The following TXNDC5 variants were observed in gnomAD, a reference collection of about 807,000 sequenced individuals.
The protein encoded by TXNDC5 is thioredoxin domain-containing protein 5.
Under a neutral mutation model 52.6 loss-of-function variants are expected in TXNDC5, and 44 were observed. That is an observed-to-expected ratio of 0.84 (90% CI 0.66 to 1.08). The LOEUF (loss-of-function observed/expected upper bound fraction) is 1.08. Ranked by LOEUF, TXNDC5 falls within the 50% of genes least tolerant of loss-of-function variation. The probability of loss-of-function intolerance (pLI) is 0.00; values close to 1 mark genes in which losing one functional copy is unlikely to be tolerated. For synonymous variants in TXNDC5, 241 were observed against 234.4 expected, an observed-to-expected ratio of 1.03 and a Z score of -0.26; for missense variants, 600 against 565.5, an observed-to-expected ratio of 1.06 and a Z score of -0.62.
At chr6:7,888,122 A>T (rs1581310107) in intron 7 of TXNDC5, among the ~76,000 whole-genome samples, 1 of 152,182 alleles carries the variant, frequency 6.6e-6, no homozygotes, top group East Asian at 1.9e-4. Context: ...AGTGCCTGTG[A>T]CATAACAAGG....
intron 3 of TXNDC5, among the ~76,000 whole-genome samples, chr6:7,898,488 G>A (rs1760450433): frequency 1.3e-5 from 2 of 152,286 alleles, no homozygotes; most frequent in East Asian, 1.9e-4. Flanking sequence ...AACAGTAAGC[G>A]GCAAAGCTCC....
chr6:7,889,137 C>G (rs1200620065), intron 6 of TXNDC5: 1 of 459,972 alleles, frequency 2.2e-6, no homozygotes, highest in Non-Finnish European at 3.8e-6. Context: ...CTCTGAGCTG[C>G]TGACCATCGG....
At chr6:7,904,541 C>T (rs777280999) in intron 2 of TXNDC5, 33 bp downstream of exon 2, 2 of 1,610,108 alleles carry the variant, frequency 1.2e-6, no homozygotes, top group Non-Finnish European at 1.7e-6. Flanking sequence ...CCAGGAGCCA[C>T]CTAGGAAGTG....
At position 7,895,089 on chromosome 6, in the gene TXNDC5, C is replaced by T. The variant is rs763532133; in HGVS notation, c.616+17G>A. The T allele has an allele frequency of 6.2e-7, 1 of 1,612,158 alleles. No individual in the cohort carries two copies. The highest frequency in any genetic ancestry group is 8.5e-7 in the Non-Finnish European group (1 of 1,179,074). On this transcript the variant is annotated intron_variant, in intron 4 of 9. Coordinates refer to ENST00000379757, the MANE Select transcript of TXNDC5 (RefSeq NM_030810.5). ...AATAGTGATTCTCTGAAGCTGGCAT[C>T]AGGACGTCCCCCTTACCTTGTGCAA... is the stretch of plus-strand genomic sequence containing the variant.
chr6:7,899,469 T>G (rs1760485654), intron 3 of TXNDC5, 107 bp downstream of exon 3: 1 of 672,348 alleles, frequency 1.5e-6, no homozygotes, highest in South Asian at 2.5e-5. Flanking sequence ...ATGGCAGCCT[T>G]AATCATTAAC....
At chr6:7,894,948 T>C (rs914268722) in intron 4 of TXNDC5, 158 bp downstream of exon 4, 20 of 984,540 alleles carry the variant, frequency 2.0e-5, no homozygotes, top group Middle Eastern at 5.2e-4. Flanking sequence ...TTAGAGGAGG[T>C]GCACTGAACA....
intron 1 of TXNDC5, chr6:7,909,883 CGGTG>C: frequency 1.0e-6 from 1 of 986,020 alleles, no homozygotes; most frequent in African/African-American, 1.7e-5. Context: ...CAGCCGACCC[CGGTG>C]GCCGCGGCAG....
At chr6:7,895,026 T>C (rs1760316286) in intron 4 of TXNDC5, 80 bp downstream of exon 4, 1 of 1,523,294 alleles carries the variant, frequency 6.6e-7, no homozygotes. Context: ...TAAGAGCCCT[T>C]GAGTAGCAGG....
In TXNDC5 at chr6:7,899,352, C is replaced by T. The variant is rs531127730; in HGVS notation, c.519+224G>A. ...GCTGAAACTCAGGGTTTAGCCTTCT[C>T]TTGACTTTTGTGCACATTTAGGTAT... On this transcript the variant is annotated intron_variant, in intron 3 of 9. Coordinates refer to ENST00000379757, the MANE Select transcript of TXNDC5 (RefSeq NM_030810.5). 3.7e-3 allele frequency among the ~76,000 whole-genome samples: 571 copies of T among 152,342 alleles called. 2 individuals are homozygous for T. The highest frequency in any genetic ancestry group is 6.8e-3 in the Non-Finnish European group (464 of 68,028).
At chr6:7,906,553 A>AAC (rs1554129853) in intron 1 of TXNDC5, among the ~76,000 whole-genome samples, 4 of 148,892 alleles carry the variant, frequency 2.7e-5, no homozygotes, top group African/African-American at 7.7e-5. Flanking sequence ...AAAAAAAAAA[A>AAC]AAAAGAAAAA....
At chr6:7,899,546 A>T in intron 3 of TXNDC5, 30 bp downstream of exon 3, 1 of 1,175,392 alleles carries the variant, frequency 8.5e-7, no homozygotes, top group Non-Finnish European at 1.1e-6. Flanking sequence ...GGAGGGAGGG[A>T]GGGAGGGAGG....
intron 5 of TXNDC5, among the ~76,000 whole-genome samples, chr6:7,889,888 T>G (rs1225947): frequency 0.4 from 60,091 of 151,996 alleles, 13,305 homozygotes; most frequent in East Asian, 0.65. Context: ...CCTGGTAGCT[T>G]GAGTCAGGGC....
At chr6:7,903,809 C>T (rs1240057683) in intron 2 of TXNDC5, among the ~76,000 whole-genome samples, 1 of 152,228 alleles carries the variant, frequency 6.6e-6, no homozygotes, top group Non-Finnish European at 1.5e-5. Flanking sequence ...TTCCCTCCAA[C>T]ACTTGGCACA....
Position 7,886,037 on chromosome 6 carries a change from CA to C in TXNDC5, c.969del (p.Val324CysfsTer17). On this transcript the variant is annotated frameshift_variant, in exon 8 of 10. Coordinates refer to ENST00000379757, the MANE Select transcript of TXNDC5 (RefSeq NM_030810.5). LOFTEE classifies it high-confidence loss of function. ...LAAEPEADKG[T>X]VLALTENNFD... ...AAGTTATTTTCAGTGAGTGCCAACA[CA>C]GTGCCCTTCAAGGGAGGAAAAAGCC... 6.2e-7 allele frequency: 1 copy of C among 1,614,102 alleles called. No homozygotes were observed. The highest frequency in any genetic ancestry group is 8.5e-7 in the Non-Finnish European group (1 of 1,179,998).
intron 5 of TXNDC5, among the ~76,000 whole-genome samples, chr6:7,889,833 G>C (rs918157999): frequency 4.6e-5 from 7 of 152,168 alleles, no homozygotes; most frequent in Admixed American, 3.9e-4. Context: ...TAAACATGCC[G>C]GTTTTTAGGA....
rs764150222 is a variant in TXNDC5, at chr6:7,889,509, G to C, written c.805C>G (p.Arg269Gly). Residue 269 changes from arginine (R) to glycine (G), a missense_variant, in exon 6 of 10, where the codon CGA becomes GGA. Coordinates refer to ENST00000379757, the MANE Select transcript of TXNDC5 (RefSeq NM_030810.5). ...VRGYPTLLWFRDGKKVDQYKG... is the reference protein window; with the variant it reads ...VRGYPTLLWFGDGKKVDQYKG... ...TGCAGACGTACCTTTTTCCCATCTCGGAACCAGAGAAGAGTGGGATAGCCA... is the reference window on the plus strand; with the variant it reads ...TGCAGACGTACCTTTTTCCCATCTCCGAACCAGAGAAGAGTGGGATAGCCA... The C allele has an allele frequency of 6.2e-6, 10 of 1,613,304 alleles. No homozygotes were observed. Among genetic ancestry groups the C allele is most frequent in the Non-Finnish European group, 8.5e-6 (10 of 1,179,452 alleles).
intron 5 of TXNDC5, among the ~76,000 whole-genome samples, chr6:7,891,279 G>T (rs1760180825): frequency 6.6e-6 from 1 of 152,114 alleles, no homozygotes; most frequent in South Asian, 2.1e-4. Context: ...CTTGGGTGAG[G>T]TCGAACGTGG....
chr6:7,899,752 G>T, intron 2 of TXNDC5, 71 bp from the exon 3 acceptor site: 1 of 1,226,336 alleles, frequency 8.2e-7, no homozygotes, highest in Non-Finnish European at 1.2e-6. Flanking sequence ...CTCATTTAGT[G>T]AAACAATCAG....
In TXNDC5 at chr6:7,884,495, C is replaced by T. The variant is rs527777820; in HGVS notation, c.1047-7G>A. 72 of 1,613,950 alleles carry T rather than the reference C, an allele frequency of 4.5e-5. No individual in the cohort carries two copies. In the East Asian group the frequency reaches 6.5e-4, roughly 14 times the overall value. On this transcript the variant is annotated splice_polypyrimidine_tract_variant and splice_region_variant and intron_variant, in intron 8 of 9. Transcript: ENST00000379757. ...AGTCTTACAATGACCACACCTAAGA[C>T]GAGAAAAATGGCAGCTTCGTTGAAA... is the stretch of plus-strand genomic sequence containing the variant.
Sources: gnomAD v4.1 joint callset for allele counts (sites outside exome capture counted in the v4.1 genomes callset) on GRCh38, gnomAD v4.1.1 for gene constraint, MANE v1.5 for transcripts, NCBI Gene and HGNC (gene_info 2026-07-23, HGNC 2026-07-21) for gene names.